Variants in HDAC4 observed in about 807,000 individuals in gnomAD.
HDAC4 encodes the protein histone deacetylase 4, also known as histone deacetylase A.
A neutral mutation model predicts 135.1 loss-of-function variants in HDAC4; 16 were observed. The observed-to-expected ratio is 0.12, with a 90% CI of 0.08 to 0.18. The LOEUF (loss-of-function observed/expected upper bound fraction) is 0.18, where lower values mean the gene tolerates loss of function less well. HDAC4 is among the 10% of genes least tolerant of loss of function. The pLI, the probability that HDAC4 is intolerant of heterozygous loss-of-function variation, is 1.00. For missense variants in HDAC4, 1,143 were observed against 1,511.8 expected (o/e 0.76, Z 4.05); for synonymous variants, 685 against 653.4 (o/e 1.05, Z -0.74).
chr2:239,337,372 G>A (rs1692006149), intron 2 of HDAC4, among the ~76,000 whole-genome samples: 1 of 152,100 alleles, frequency 6.6e-6, no homozygotes. Flanking sequence ...AACCGGTGGG[G>A]ACTCCCACGC....
intron 2 of HDAC4, among the ~76,000 whole-genome samples, chr2:239,273,907 T>C (rs1448236573): frequency 6.6e-6 from 1 of 152,206 alleles, no homozygotes; most frequent in African/African-American, 2.4e-5. Flanking sequence ...TGAAAACTTT[T>C]TGAGACAATG....
intron 7 of HDAC4, among the ~76,000 whole-genome samples, chr2:239,151,672 C>T (rs2042129015): frequency 6.6e-6 from 1 of 152,250 alleles, no homozygotes; most frequent in Non-Finnish European, 1.5e-5. Flanking sequence ...TCCCAATTCA[C>T]ACCCAACTGT....
At chr2:239,149,902 C>G (rs187736703) in intron 7 of HDAC4, among the ~76,000 whole-genome samples, 1 of 152,086 alleles carries the variant, frequency 6.6e-6, no homozygotes, top group Non-Finnish European at 1.5e-5. Flanking sequence ...GAGGGGGTAT[C>G]ATTTGCTCAA....
chr2:239,114,864 A>G (rs1035006056), intron 13 of HDAC4, among the ~76,000 whole-genome samples, 189 bp downstream of exon 13: 7 of 152,150 alleles, frequency 4.6e-5, no homozygotes, highest in African/African-American at 1.7e-4. Flanking sequence ...TCGTATCCCT[A>G]GGAACGGCTG....
chr2:239,340,009 G>A (rs576462090), intron 2 of HDAC4, among the ~76,000 whole-genome samples: 17 of 152,298 alleles, frequency 1.1e-4, no homozygotes, highest in Non-Finnish European at 1.8e-4. Context: ...ACAGAAAGAG[G>A]CTGGGGGCCT....
intron 6 of HDAC4, among the ~76,000 whole-genome samples, chr2:239,157,111 C>T (rs563690416): frequency 6.6e-6 from 1 of 152,252 alleles, no homozygotes; most frequent in Non-Finnish European, 1.5e-5. Context: ...AGGGCCACCA[C>T]TGGCCACTCA....
rs777301128 is a variant in HDAC4 at position 239,134,460 on chromosome 2, G to C, written c.1096-17C>G. 10 of 1,613,794 alleles carry C rather than the reference G, an allele frequency of 6.2e-6. No individual in the cohort carries two copies. Among genetic ancestry groups the C allele is most frequent in the Non-Finnish European group, 8.5e-6 (10 of 1,179,910 alleles). On this transcript the variant is annotated splice_polypyrimidine_tract_variant and intron_variant, in intron 10 of 26. Transcript: ENST00000543185. The stretch of plus-strand genomic sequence containing the variant: ...CGCCGTGCCCTGGAAAGCACAGCCA[G>C]GATGCTCGGGTGGAAGGACCCATCA...
chr2:239,389,029 G>A (rs2126094317), intron 1 of HDAC4, among the ~76,000 whole-genome samples: 1 of 152,354 alleles, frequency 6.6e-6, no homozygotes, highest in Admixed American at 6.5e-5. Flanking sequence ...GGTGAAGCCA[G>A]CTGGACTTCT....
intron 1 of HDAC4, among the ~76,000 whole-genome samples, chr2:239,399,101 T>C (rs915082223): frequency 1.4e-4 from 21 of 152,168 alleles, no homozygotes; most frequent in Non-Finnish European, 2.6e-4. Context: ...ATGCCACAGA[T>C]CCCAGAGAGT....
At chr2:239,320,556 T>C (rs934440354) in intron 2 of HDAC4, among the ~76,000 whole-genome samples, 1 of 152,184 alleles carries the variant, frequency 6.6e-6, no homozygotes, top group African/African-American at 2.4e-5. Context: ...AAAATATGTA[T>C]TTTAATCAAA....
chr2:239,093,660 C>CA (rs752591283), intron 17 of HDAC4, among the ~76,000 whole-genome samples: 64 of 152,354 alleles, frequency 4.2e-4, no homozygotes, highest in Non-Finnish European at 7.8e-4. Context: ...TTTCCATCAG[C>CA]ATCTGCACAC....
chr2:239,254,927 T>C (rs2048974073), intron 2 of HDAC4, among the ~76,000 whole-genome samples: 1 of 152,200 alleles, frequency 6.6e-6, no homozygotes, highest in South Asian at 2.1e-4. Flanking sequence ...AACATTGAAT[T>C]GAGAGGCAAT....
chr2:239,310,685 G>T (rs918484219), intron 2 of HDAC4, among the ~76,000 whole-genome samples: 4 of 152,176 alleles, frequency 2.6e-5, no homozygotes, highest in African/African-American at 7.2e-5. Context: ...GCAAACAGAG[G>T]TCCCAAAACA....
At chr2:239,222,177 G>A (rs1185505560) in intron 3 of HDAC4, among the ~76,000 whole-genome samples, 1 of 152,106 alleles carries the variant, frequency 6.6e-6, no homozygotes, top group East Asian at 1.9e-4. Context: ...TGTTATTCTC[G>A]TGGAATTCCG....
intron 5 of HDAC4, among the ~76,000 whole-genome samples, chr2:239,169,701 C>T (rs1408504545): frequency 6.6e-6 from 1 of 152,214 alleles, no homozygotes; most frequent in Admixed American, 6.5e-5. Context: ...CGTCCACTAC[C>T]GAGAGGGCCC....
At chr2:239,314,711 C>G (rs1292387548) in intron 2 of HDAC4, among the ~76,000 whole-genome samples, 1 of 152,096 alleles carries the variant, frequency 6.6e-6, no homozygotes, top group Non-Finnish European at 1.5e-5. Context: ...AGAAATAAAC[C>G]AGGATGCAAC....
intron 12 of HDAC4, among the ~76,000 whole-genome samples, chr2:239,126,103 G>A (rs936460281): frequency 6.6e-6 from 1 of 152,240 alleles, no homozygotes; most frequent in African/African-American, 2.4e-5. Context: ...TATTCCATTC[G>A]CTGGCACTGA....
At chr2:239,192,035 T>G (rs1700798284) in intron 3 of HDAC4, among the ~76,000 whole-genome samples, 1 of 152,248 alleles carries the variant, frequency 6.6e-6, no homozygotes, top group South Asian at 2.1e-4. Flanking sequence ...ACTTTTAAAA[T>G]GCATGTATTT....
rs75987778 is a variant in HDAC4, at chr2:239,073,317, C to T, written c.2751-4710G>A. On this transcript the variant is annotated intron_variant, in intron 22 of 26. Transcript: ENST00000543185. ...TTCCAAGGACACAGGAGCTGTGCCC[C>T]GAGGGCCATCGTTAGGGGCTGAGGA... Among the ~76,000 whole-genome samples, 223 of 152,286 alleles carry T rather than the reference C, an allele frequency of 1.5e-3. 1 individual carries two copies. The highest frequency in any genetic ancestry group is 5.2e-3 in the African/African-American group (218 of 41,566).
Sources: gnomAD v4.1 joint callset for allele counts (sites outside exome capture counted in the v4.1 genomes callset) on GRCh38, gnomAD v4.1.1 for gene constraint, MANE v1.5 for transcripts, NCBI Gene and HGNC (gene_info 2026-07-23, HGNC 2026-07-21) for gene names.